Variants in NAE1 observed in about 807,000 individuals in gnomAD.
NAE1 encodes NEDD8 activating enzyme E1 subunit 1.
NAE1 carries 59 observed loss-of-function variants against 88.0 expected under a neutral mutation model. That is an observed-to-expected ratio of 0.67 (90% CI 0.54 to 0.83). The LOEUF (loss-of-function observed/expected upper bound fraction) is 0.83. Ranked by LOEUF, NAE1 falls within the 40% of genes least tolerant of loss-of-function variation. NAE1 has a pLI of 0.00. For missense variants in NAE1, 554 were observed against 632.8 expected (o/e 0.88, Z 1.34); for synonymous variants, 186 against 208.9 (o/e 0.89, Z 0.95).
At chr16:66,807,354 A>C (rs1959605510) in intron 17 of NAE1, among the ~76,000 whole-genome samples, 2 of 152,132 alleles carry the variant, frequency 1.3e-5, no homozygotes, top group South Asian at 4.1e-4. Context: ...AGGACTATAA[A>C]CTCTGGGCAG....
chr16:66,828,098 G>A (rs760138809), intron 1 of NAE1: 55 of 1,566,088 alleles, frequency 3.5e-5, no homozygotes, highest in South Asian at 2.2e-4. Context: ...CAGATGGACC[G>A]TAAACGCCTG....
rs1959762067 is a variant in NAE1 at position 66,810,743 on chromosome 16, G to A, written c.1064C>T (p.Ala355Val). 6 of 1,614,126 alleles carry A rather than the reference G, an allele frequency of 3.7e-6. No individual in the cohort carries two copies. Among genetic ancestry groups the A allele is most frequent in the Non-Finnish European group, 5.1e-6 (6 of 1,180,026 alleles). The change falls in exon 14 of 20, where the codon GCC becomes GTC. Residue 355 changes from alanine (A) to valine (V), a missense_variant. Ala to Val is a moderately conservative substitution (Grantham distance 64, BLOSUM62 0). Transcript: ENST00000290810. ...VYREKAKKDAAAVGNHVAKLL... is the reference protein window; with the variant it reads ...VYREKAKKDAVAVGNHVAKLL... ...TTTGGCAACATGATTACCCACAGCG[G>A]CAGCATCTTTCTTTGCTTTTTCACG... is the stretch of plus-strand genomic sequence containing the variant.
At chr16:66,816,700 C>G (rs1291533920) in intron 10 of NAE1, 28 bp from the exon 11 acceptor site, 1 of 1,514,434 alleles carries the variant, frequency 6.6e-7, no homozygotes. Flanking sequence ...TGTTAGCAAA[C>G]AGCCCTTTTC....
chr16:66,810,625 C>T, intron 14 of NAE1, 72 bp downstream of exon 14: 1 of 1,383,532 alleles, frequency 7.2e-7, no homozygotes, highest in Non-Finnish European at 1.0e-6. Flanking sequence ...GCCACACCCT[C>T]TGTCTCTAAA....
chr16:66,820,900 C>CA (rs35671399), intron 7 of NAE1, among the ~76,000 whole-genome samples: 3,568 of 73,162 alleles, frequency 0.049, 170 homozygotes, highest in South Asian at 0.13. Context: ...GACTCCGTCT[C>CA]AAAAAAAAAA....
intron 11 of NAE1, among the ~76,000 whole-genome samples, chr16:66,815,008 G>A (rs1176076883): frequency 2.6e-5 from 4 of 152,094 alleles, no homozygotes; most frequent in Non-Finnish European, 5.9e-5. Context: ...AGACCTCTGC[G>A]TGTCACTTCA....
Position 66,813,603 on chromosome 16 carries a change from A to AT in NAE1, c.994dup (p.Met332AsnfsTer17). ...TATATATTTGCCTGAATCTGCAATC[A>AT]TATCAGGAATTGTGCCTCGAACAGG... On this transcript the variant is annotated frameshift_variant, in exon 13 of 20. Transcript: ENST00000290810. LOFTEE classifies it high-confidence loss of function. 6.2e-7 allele frequency: 1 copy of AT among 1,613,802 alleles called. No homozygotes were observed. The highest frequency in any genetic ancestry group is 8.5e-7 in the Non-Finnish European group (1 of 1,179,834).
chr16:66,805,618 A>T (rs544934397), intron 19 of NAE1, 159 bp downstream of exon 19: 1 of 587,896 alleles, frequency 1.7e-6, no homozygotes, highest in African/African-American at 1.9e-5. Context: ...AACCTGGGCA[A>T]AACAGTGAGA....
rs1398640178 is a variant in NAE1, at chr16:66,802,932, A to G, written c.*77T>C. On this transcript the variant is annotated 3_prime_UTR_variant, in exon 20 of 20. Coordinates refer to ENST00000290810, the MANE Select transcript of NAE1 (RefSeq NM_003905.4). ...AACAATTTAGCAGCTCTCCTTTAGA[A>G]TTTTACAGACTAAAGCACAACCCGA... 1.1e-6 allele frequency: 1 copy of G among 880,424 alleles called. No homozygotes were observed. Among genetic ancestry groups the G allele is most frequent in the Non-Finnish European group, 1.9e-6 (1 of 537,716 alleles). The allele number at this position is 880,424 out of a possible 1,614,324, so 54.5% of individuals were successfully genotyped here.
At chr16:66,830,806 A>G in intron 1 of NAE1, 41 bp downstream of exon 1, 5 of 1,504,736 alleles carry the variant, frequency 3.3e-6, no homozygotes, top group South Asian at 1.2e-5. Flanking sequence ...AATGCTGGAA[A>G]GCCCGCCGGC....
At chr16:66,815,954 G>A (rs1197734595) in intron 11 of NAE1, among the ~76,000 whole-genome samples, 1 of 151,888 alleles carries the variant, frequency 6.6e-6, no homozygotes, top group Non-Finnish European at 1.5e-5. Context: ...GTGAGCCACC[G>A]CGCCTGGCCC....
Position 66,818,546 on chromosome 16 carries a change from C to G in NAE1, c.603G>C (p.Leu201Phe). 1 of 1,610,202 alleles carries G rather than the reference C, an allele frequency of 6.2e-7. No homozygotes were observed. Among genetic ancestry groups the G allele is most frequent in the Non-Finnish European group, 8.5e-7 (1 of 1,178,472 alleles). Residue 201 changes from leucine (L) to phenylalanine (F), a missense_variant, in exon 8 of 20, where the codon TTG becomes TTC. Physicochemically the swap from Leu to Phe is conservative, Grantham distance 22 (BLOSUM62 0). Transcript: ENST00000290810. Reference sequence around the variant, plus strand: ...TACCAACCTTTTTTTCCATATGATCCAAATCATAGGACTGAAAATGTTCTC... The same window carrying G: ...TACCAACCTTTTTTTCCATATGATCGAAATCATAGGACTGAAAATGTTCTC... Reference protein sequence around the residue: ...ELREHFQSYDLDHMEKKDHSH... With the variant: ...ELREHFQSYDFDHMEKKDHSH...
chr16:66,825,374 G>T (rs1168922618), intron 3 of NAE1, among the ~76,000 whole-genome samples: 2 of 151,460 alleles, frequency 1.3e-5, no homozygotes, highest in African/African-American at 4.9e-5. Flanking sequence ...GTGAACCTGG[G>T]AGGCAGAGCT....
chr16:66,816,704 C>T (rs767597186), intron 10 of NAE1, 32 bp from the exon 11 acceptor site: 3 of 1,504,070 alleles, frequency 2.0e-6, no homozygotes, highest in African/African-American at 2.8e-5. Context: ...AGCAAACAGC[C>T]CTTTTCTTTT....
chr16:66,812,939 C>A (rs1185722190), intron 13 of NAE1, among the ~76,000 whole-genome samples: 2 of 151,876 alleles, frequency 1.3e-5, no homozygotes, highest in African/African-American at 4.8e-5. Flanking sequence ...TCTCCTGCCT[C>A]AGCCTCCCGG....
chr16:66,828,205 T>A (rs1960541096), intron 1 of NAE1: 2 of 722,856 alleles, frequency 2.8e-6, no homozygotes, highest in Admixed American at 2.8e-5. Context: ...TACTGGTGCA[T>A]CTTGGCTGGG....
intron 10 of NAE1, 62 bp downstream of exon 10, chr16:66,816,903 T>C (rs2145332896): frequency 1.9e-6 from 3 of 1,551,598 alleles, no homozygotes; most frequent in South Asian, 2.6e-5. Flanking sequence ...ATCCAATAAG[T>C]ACCTGCCTCT....
chr16:66,813,476 T>A (rs1959903982), intron 13 of NAE1, 88 bp downstream of exon 13: 1 of 1,441,210 alleles, frequency 6.9e-7, no homozygotes, highest in South Asian at 1.4e-5. Context: ...GTAATAAACT[T>A]TCATTTGATT....
At chr16:66,818,704 T>C (rs1960147494) in intron 7 of NAE1, 67 bp from the exon 8 acceptor site, 1 of 1,502,894 alleles carries the variant, frequency 6.7e-7, no homozygotes. Flanking sequence ...AGATGGGGTC[T>C]TGCTGTATTA....
Sources: allele counts gnomAD v4.1 joint callset (sites outside exome capture counted in the v4.1 genomes callset), GRCh38; gene constraint gnomAD v4.1.1; transcripts MANE v1.5; gene names NCBI Gene and HGNC (gene_info 2026-07-23, HGNC 2026-07-21).